The following PARD3 variants were observed in gnomAD, a reference collection of about 807,000 sequenced individuals.
PARD3 encodes the protein par-3 family cell polarity regulator.
A neutral mutation model predicts 155.4 loss-of-function variants in PARD3; 75 were observed. That is an observed-to-expected ratio of 0.48 (90% CI 0.40 to 0.58). The LOEUF is 0.58. Among genes scored for constraint, PARD3 ranks in the 20% least tolerant of loss-of-function variants. PARD3 has a pLI of 0.00. For synonymous variants in PARD3, 576 were observed against 610.5 expected (o/e 0.94, Z 0.83); for missense variants, 1,642 against 1,721.7 (o/e 0.95, Z 0.82).
At chr10:34,147,373 A>G (rs987730689) in intron 22 of PARD3, among the ~76,000 whole-genome samples, 1 of 152,140 alleles carries the variant, frequency 6.6e-6, no homozygotes, top group African/African-American at 2.4e-5. Context: ...GCTGATTAAA[A>G]TGAGAAAAAT....
chr10:34,490,941 C>T (rs1323501848), intron 3 of PARD3, among the ~76,000 whole-genome samples: 1 of 152,210 alleles, frequency 6.6e-6, no homozygotes, highest in African/African-American at 2.4e-5. Context: ...ACAAGCTCTT[C>T]AGGTCATTGT....
chr10:34,382,882 T>C lies in PARD3; in HGVS notation c.1057A>G (p.Ile353Val), dbSNP rs1159928964. 1 of 1,614,202 alleles carries C rather than the reference T, an allele frequency of 6.2e-7. No homozygotes were observed. The highest frequency in any genetic ancestry group is 1.1e-5 in the South Asian group (1 of 91,086). Residue 353 changes from isoleucine (I) to valine (V), a missense_variant, in exon 9 of 25, where the codon ATT becomes GTT. This residue lies in a region of PARD3 where 1,529 missense variants were observed against 1,587.3 expected (regional missense o/e 0.96). Coordinates refer to ENST00000374788, the MANE Select transcript of PARD3 (RefSeq NM_001184785.2). The stretch of plus-strand genomic sequence containing the variant: ...GCTGCAGGAACCACATGGAACCAAA[T>C]GATGGGTGTACGCATGGCTTGGCGA... ...MFRQAMRTPI[I>V]WFHVVPAANK...
rs561410249 is a variant in PARD3 at position 34,341,381 on chromosome 10, G to A, written c.2408+246C>T. On this transcript the variant is annotated intron_variant, in intron 16 of 24. Transcript: ENST00000374788. ...GTGAAAGTGAAAAACAAATGAGCAC[G>A]GTTTTTTGACTGGTAGTAGTTTTGT... Among the ~76,000 whole-genome samples, 49 of 152,164 alleles carry A rather than the reference G, an allele frequency of 3.2e-4. No homozygotes were observed. The South Asian group carries it at 0.01, about 32-fold the overall frequency.
intron 1 of PARD3, among the ~76,000 whole-genome samples, chr10:34,733,001 C>T (rs1224244755): frequency 6.6e-6 from 1 of 152,124 alleles, no homozygotes; most frequent in African/African-American, 2.4e-5. Flanking sequence ...TGTCTCTTCC[C>T]CACCTCCCAC....
intron 2 of PARD3, among the ~76,000 whole-genome samples, chr10:34,542,501 T>G (rs1780575): frequency 0.48 from 73,080 of 151,904 alleles, 18,366 homozygotes; most frequent in African/African-American, 0.64. Flanking sequence ...TTTATGCAGA[T>G]GCTGAGAAAC....
chr10:34,428,875 G>A (rs11009784), intron 5 of PARD3, among the ~76,000 whole-genome samples: 8,028 of 152,148 alleles, frequency 0.053, 711 homozygotes, highest in African/African-American at 0.18. Flanking sequence ...ATAGAAGTAC[G>A]AATCAGTCAA....
intron 2 of PARD3, among the ~76,000 whole-genome samples, chr10:34,675,319 C>G (rs1354985333): frequency 6.6e-6 from 1 of 152,120 alleles, no homozygotes; most frequent in Non-Finnish European, 1.5e-5. Context: ...TCTCCATAAT[C>G]AAAACCTAGA....
At chr10:34,250,586 G>T (rs115380813) in intron 22 of PARD3, among the ~76,000 whole-genome samples, 4,809 of 151,670 alleles carry the variant, frequency 0.032, 247 homozygotes, top group African/African-American at 0.11. Flanking sequence ...GAAAAAATGT[G>T]CCAGAAACAG....
intron 1 of PARD3, among the ~76,000 whole-genome samples, chr10:34,762,289 A>G (rs1258291358): frequency 7.3e-6 from 1 of 136,610 alleles, no homozygotes; most frequent in Non-Finnish European, 1.6e-5. Context: ...AGACAGAGAG[A>G]CAGAGAGAGA....
chr10:34,562,866 G>A (rs1564846624), intron 2 of PARD3, among the ~76,000 whole-genome samples: 2 of 151,900 alleles, frequency 1.3e-5, no homozygotes, highest in African/African-American at 4.8e-5. Context: ...CAAACTCGTG[G>A]CCTCAAACCA....
At chr10:34,335,575 T>C (rs923359903) in intron 18 of PARD3, among the ~76,000 whole-genome samples, 4 of 152,020 alleles carry the variant, frequency 2.6e-5, no homozygotes, top group African/African-American at 4.8e-5. Context: ...ATTGTTTCTA[T>C]GGAATGATTT....
chr10:34,201,364 C>T (rs1389451868), intron 22 of PARD3, among the ~76,000 whole-genome samples: 4 of 152,190 alleles, frequency 2.6e-5, no homozygotes, highest in East Asian at 1.9e-4. Context: ...TGGAAGGGAA[C>T]AGTATTCTCT....
intron 22 of PARD3, among the ~76,000 whole-genome samples, chr10:34,173,933 C>T (rs1949917675): frequency 6.6e-6 from 1 of 152,152 alleles, no homozygotes; most frequent in South Asian, 2.1e-4. Context: ...TTTGCTACAG[C>T]CAAATCCCAA....
At chr10:34,343,482 T>TC in intron 15 of PARD3, 1 of 984,292 alleles carries the variant, frequency 1.0e-6, no homozygotes, top group East Asian at 1.1e-4. Flanking sequence ...GAAATCTTCC[T>TC]CATAGTAAGA....
intron 24 of PARD3, among the ~76,000 whole-genome samples, chr10:34,118,835 G>GCCT (rs1338818210): frequency 2.0e-4 from 31 of 152,274 alleles, no homozygotes; most frequent in South Asian, 1.2e-3. Context: ...AGCAACAAAT[G>GCCT]CCTATAAGAA....
chr10:34,630,008 G>A (rs1478835363), intron 2 of PARD3, among the ~76,000 whole-genome samples: 1 of 151,988 alleles, frequency 6.6e-6, no homozygotes, highest in Non-Finnish European at 1.5e-5. Flanking sequence ...AGCGAAACAC[G>A]GCCTGTATTA....
intron 2 of PARD3, among the ~76,000 whole-genome samples, chr10:34,608,326 G>GT (rs2090621352): frequency 6.6e-6 from 1 of 152,132 alleles, no homozygotes; most frequent in Admixed American, 6.6e-5. Context: ...CGTATATAGC[G>GT]TAAGAGATAA....
rs1839634525 is a variant in PARD3 at position 34,363,306 on chromosome 10, C to G, written c.1708-3047G>C. On this transcript the variant is annotated intron_variant, in intron 12 of 24. Coordinates refer to ENST00000374788, the MANE Select transcript of PARD3 (RefSeq NM_001184785.2). ...ACTCTGAACCTGTTTTAAAGAAGAGCATATTCTCCAGGGGATAGTTTATTT... is the reference window on the plus strand; with the variant it reads ...ACTCTGAACCTGTTTTAAAGAAGAGGATATTCTCCAGGGGATAGTTTATTT... Among the ~76,000 whole-genome samples, 3 of 128,184 alleles carry G rather than the reference C, an allele frequency of 2.3e-5. No homozygotes were observed. The South Asian group carries it at 7.8e-4, about 33-fold the overall frequency. The allele number at this position is 128,184 out of a possible 152,430, so 84.1% of individuals were successfully genotyped here.
At chr10:34,238,063 T>G (rs112633904) in intron 22 of PARD3, among the ~76,000 whole-genome samples, 11 of 152,316 alleles carry the variant, frequency 7.2e-5, no homozygotes, top group African/African-American at 2.6e-4. Context: ...CACTCCAACT[T>G]ACAATGTACT....
Sources: allele counts gnomAD v4.1 joint callset (sites outside exome capture counted in the v4.1 genomes callset), GRCh38; gene constraint gnomAD v4.1.1; regional missense constraint gnomAD v4.1.1; transcripts MANE v1.5; gene names NCBI Gene and HGNC (gene_info 2026-07-23, HGNC 2026-07-21).